CYP4V2: variants seen among roughly 807,000 people sequenced by gnomAD.
The protein encoded by CYP4V2 is cytochrome P450 4V2.
In CYP4V2, 55 loss-of-function variants were observed where a neutral mutation model predicts 60.8. The observed-to-expected ratio is 0.90, with a 90% CI of 0.73 to 1.13. CYP4V2 has a LOEUF of 1.13. CYP4V2 is among the 50% of genes most tolerant of loss of function. The pLI is 0.00. For synonymous variants in CYP4V2, 239 were observed against 236.8 expected (o/e 1.01, Z -0.08); for missense variants, 675 against 662.9 (o/e 1.02, Z -0.20).
At position 186,204,794 on chromosome 4, in the gene CYP4V2, C is replaced by T. The variant is rs183161799; in HGVS notation, c.988-406C>T. The T allele has an allele frequency of 1.2e-5, 4 of 321,040 alleles. No homozygotes were observed. The East Asian group carries it at 2.2e-4, about 18-fold the overall frequency. The allele number at this position is 321,040 out of a possible 1,614,324, so 19.9% of individuals were successfully genotyped here. ...TATGACTTAGAACCACACCTCTACC[C>T]CCTGGTGCCCGTCATCAACAGGTGA... On this transcript the variant is annotated intron_variant, in intron 7 of 10. Coordinates refer to ENST00000378802, the MANE Select transcript of CYP4V2 (RefSeq NM_207352.4).
intron 2 of CYP4V2, among the ~76,000 whole-genome samples, chr4:186,194,951 A>G (rs1736110732): frequency 6.6e-6 from 1 of 152,252 alleles, no homozygotes; most frequent in Non-Finnish European, 1.5e-5. Context: ...TCAAAAATAT[A>G]TGACTAATAA....
intron 8 of CYP4V2, among the ~76,000 whole-genome samples, chr4:186,208,238 G>T (rs975764244): frequency 6.7e-6 from 1 of 148,852 alleles, no homozygotes; most frequent in Non-Finnish European, 1.5e-5. Flanking sequence ...CTTCTTTGAA[G>T]GGTATTTGAT....
chr4:186,205,146 C>T, intron 7 of CYP4V2, 54 bp from the exon 8 acceptor site: 2 of 1,552,322 alleles, frequency 1.3e-6, no homozygotes, highest in Non-Finnish European at 1.8e-6. Flanking sequence ...CTGGTCACTC[C>T]TAATCATCGC....
intron 8 of CYP4V2, among the ~76,000 whole-genome samples, chr4:186,206,063 G>A (rs1471179129): frequency 6.6e-6 from 1 of 152,180 alleles, no homozygotes; most frequent in Admixed American, 6.5e-5. Flanking sequence ...GTGGCCCACT[G>A]GGAAAATATC....
intron 1 of CYP4V2, chr4:186,192,460 CTA>C (rs1171691477): frequency 1.2e-5 from 4 of 342,080 alleles, no homozygotes; most frequent in African/African-American, 6.4e-5. Context: ...AAATAAGAGA[CTA>C]GAGATTCACT....
At chr4:186,197,398 A>C in intron 4 of CYP4V2, 135 bp from the exon 5 acceptor site, 1 of 969,418 alleles carries the variant, frequency 1.0e-6, no homozygotes, top group Non-Finnish European at 1.6e-6. Flanking sequence ...AGAAGAGGGT[A>C]AAGGGAGGAA....
rs746220304 is a variant in CYP4V2, at chr4:186,209,201, TC to T, written c.1338del (p.Glu447ArgfsTer22). 1.1e-5 allele frequency: 17 copies of T among 1,614,074 alleles called. No individual in the cohort carries two copies. The Admixed American group carries it at 2.7e-4, about 25-fold the overall frequency. Reference sequence around the variant, plus strand: ...GAGGAGTTCCAGCCTGAGCGGTTCTTCCCCGAGAATGCACAAGGGCGCCATC... The same window carrying T: ...GAGGAGTTCCAGCCTGAGCGGTTCTTCCCGAGAATGCACAAGGGCGCCATC... ...NPEEFQPERFFPENAQGRHPY... is the reference protein window; with the variant it reads ...NPEEFQPERFXPENAQGRHPY... On this transcript the variant is annotated frameshift_variant, in exon 10 of 11. Coordinates refer to ENST00000378802, the MANE Select transcript of CYP4V2 (RefSeq NM_207352.4). LOFTEE classifies it high-confidence loss of function.
rs375077034 is a variant in CYP4V2 at position 186,201,286 on chromosome 4, G to A, written c.931G>A (p.Gly311Arg). Residue 311 changes from glycine (G) to arginine (R), a missense_variant, in exon 7 of 11, where the codon GGG (glycine) becomes AGG (arginine). By Grantham distance (125) the Gly-to-Arg change is moderately radical. Transcript: ENST00000378802. ...GCTTTTAAGTGTGACTGATGACGAA[G>A]GGAACAGGCTAAGTCATGAAGATAT... ...DLLLSVTDDE[G>R]NRLSHEDIRE... 6.8e-6 allele frequency: 11 copies of A among 1,614,042 alleles called. No individual in the cohort carries two copies. In the African/African-American group the frequency reaches 1.2e-4, roughly 18 times the overall value.
Position 186,205,291 on chromosome 4 carries a change from A to G in CYP4V2, c.1079A>G (p.Asp360Gly), listed in dbSNP as rs202202084. 4.3e-6 allele frequency: 7 copies of G among 1,614,188 alleles called. No homozygotes were observed. In the East Asian group the frequency reaches 1.6e-4, roughly 36 times the overall value. Residue 360 changes from aspartate (D) to glycine (G), a missense_variant, in exon 8 of 11, where the codon GAT becomes GGT. By Grantham distance (94) the Asp-to-Gly change is moderately conservative. Transcript: ENST00000378802. ...EVQKKVDHEL[D>G]DVFGKSDRPA... ...CAGAAAAAAGTGGATCATGAATTGG[A>G]TGACGTGTTTGGTATGTTTGGCCCC...
chr4:186,197,701 A>G, intron 5 of CYP4V2, 99 bp downstream of exon 5: 2 of 1,277,830 alleles, frequency 1.6e-6, no homozygotes, highest in East Asian at 2.4e-5. Flanking sequence ...TATGGTTTCA[A>G]AATTAAACAT....
chr4:186,198,826 A>T, intron 5 of CYP4V2, 131 bp from the exon 6 acceptor site: 1 of 1,346,934 alleles, frequency 7.4e-7, no homozygotes, highest in Admixed American at 1.8e-5. Flanking sequence ...TAAAACATGG[A>T]GCTCTTAGTA....
Position 186,191,823 on chromosome 4 carries a change from G to C in CYP4V2, c.-1G>C, listed in dbSNP as rs748881207. The C allele has an allele frequency of 1.3e-6, 2 of 1,556,162 alleles. No individual in the cohort carries two copies. The highest frequency in any genetic ancestry group is 1.7e-6 in the Non-Finnish European group (2 of 1,157,684). ...GCACCCCGCGGCCGCCAGCCGGGGCGATGGCGGGGCTCTGGCTGGGGCTCG... is the reference window on the plus strand; with the variant it reads ...GCACCCCGCGGCCGCCAGCCGGGGCCATGGCGGGGCTCTGGCTGGGGCTCG... On this transcript the variant is annotated 5_prime_UTR_variant, in exon 1 of 11. Coordinates refer to ENST00000378802, the MANE Select transcript of CYP4V2 (RefSeq NM_207352.4).
intron 1 of CYP4V2, chr4:186,192,464 A>T (rs1298104597): frequency 5.9e-6 from 2 of 337,626 alleles, no homozygotes; most frequent in East Asian, 1.6e-4. Context: ...AAGAGACTAG[A>T]GATTCACTGG....
intron 8 of CYP4V2, 85 bp downstream of exon 8, chr4:186,205,387 C>T (rs570400263): frequency 7.6e-6 from 10 of 1,324,304 alleles, no homozygotes; most frequent in Admixed American, 1.7e-5. Flanking sequence ...GTGTAATGAG[C>T]AGGAAGGCTC....
chr4:186,202,805 C>G (rs1254224167), intron 7 of CYP4V2: 4 of 140,834 alleles, frequency 2.8e-5, no homozygotes, highest in African/African-American at 9.9e-5. Flanking sequence ...CGTGCATACA[C>G]TCACACACAA....
At chr4:186,199,252 T>A (rs1250675192) in intron 6 of CYP4V2, among the ~76,000 whole-genome samples, 169 bp downstream of exon 6, 3 of 152,236 alleles carry the variant, frequency 2.0e-5, no homozygotes, top group Non-Finnish European at 4.4e-5. Flanking sequence ...GTTGATGTTT[T>A]GTTAACATAC....
intron 7 of CYP4V2, chr4:186,203,854 G>A (rs1736398527): frequency 6.6e-6 from 1 of 152,178 alleles, no homozygotes; most frequent in African/African-American, 2.4e-5. Flanking sequence ...CATTTTAGGA[G>A]CTGTTTTATA....
At position 186,199,039 on chromosome 4, in the gene CYP4V2, GA is replaced by G. The variant is rs199476192; in HGVS notation, c.759del (p.Glu253AspfsTer24). Reference protein sequence around the residue: ...LWYLMFKEGWEHKKSLQILHT... With the variant: ...LWYLMFKEGWXHKKSLQILHT... Reference sequence around the variant, plus strand: ...GTACCTTATGTTTAAAGAAGGATGGGAACACAAAAAGAGCCTTCAGATCCTA... The same window carrying G: ...GTACCTTATGTTTAAAGAAGGATGGGACACAAAAAGAGCCTTCAGATCCTA... On this transcript the variant is annotated frameshift_variant, in exon 6 of 11. Transcript: ENST00000378802. LOFTEE classifies it high-confidence loss of function. 6.2e-7 allele frequency: 1 copy of G among 1,613,456 alleles called. No homozygotes were observed. Among genetic ancestry groups the G allele is most frequent in the East Asian group, 2.2e-5 (1 of 44,862 alleles).
intron 1 of CYP4V2, 145 bp downstream of exon 1, chr4:186,192,182 T>C (rs1579959910): frequency 8.9e-7 from 1 of 1,118,374 alleles, no homozygotes. Flanking sequence ...CCAGTTCTAG[T>C]CGTTGCCCCT....
Sources: gnomAD v4.1 joint callset for allele counts (sites outside exome capture counted in the v4.1 genomes callset) on GRCh38, gnomAD v4.1.1 for gene constraint, MANE v1.5 for transcripts, NCBI Gene and HGNC (gene_info 2026-07-23, HGNC 2026-07-21) for gene names.